Variants in CYLC1 observed in about 807,000 individuals in gnomAD.
The protein encoded by CYLC1 is cylicin 1.
A neutral mutation model predicts 31.6 loss-of-function variants in CYLC1; 2 were observed. The observed-to-expected ratio is 0.06, with a 90% CI of 0.03 to 0.20. The LOEUF is 0.20. Among genes scored for constraint, CYLC1 ranks in the 10% least tolerant of loss-of-function variants. The pLI is 1.00. For synonymous variants in CYLC1, 185 were observed against 153.0 expected, an observed-to-expected ratio of 1.21 and a Z score of -1.54; for missense variants, 595 against 424.1, an observed-to-expected ratio of 1.40 and a Z score of -3.54.
chrX:83,874,881 G>A (rs984083786), intron 4 of CYLC1, among the ~76,000 whole-genome samples: 2 of 110,118 alleles, frequency 1.8e-5, no homozygotes, highest in Admixed American at 9.7e-5. Context: ...TTAAGAAAAC[G>A]TGAAGTTATG....
chrX:83,872,273 T>A lies in CYLC1; in HGVS notation c.178-613T>A, dbSNP rs1222683587. On this transcript the variant is annotated intron_variant, in intron 3 of 4. Coordinates refer to ENST00000329312, the MANE Select transcript of CYLC1 (RefSeq NM_021118.3). Reference sequence around the variant, plus strand: ...GATTTGGCAAATATTTGGGTGAGATTTGAAAATAAATTACACCACTGCTGC... The same window carrying A: ...GATTTGGCAAATATTTGGGTGAGATATGAAAATAAATTACACCACTGCTGC... 2.7e-5 allele frequency among the ~76,000 whole-genome samples: 3 copies of A among 111,312 alleles called. 1 individual carries two copies. Among genetic ancestry groups the A allele is most frequent in the Middle Eastern group, 9.2e-3 (2 of 218 alleles).
At chrX:83,871,211 G>T (rs750792979) in intron 2 of CYLC1, among the ~76,000 whole-genome samples, 96 of 110,621 alleles carry the variant, frequency 8.7e-4, no homozygotes, top group Non-Finnish European at 1.7e-3. Flanking sequence ...GTGAAAATTA[G>T]TTTAATGTAG....
At chrX:83,878,774 A>G (rs2031867369) in intron 4 of CYLC1, among the ~76,000 whole-genome samples, 1 of 106,029 alleles carries the variant, frequency 9.4e-6, no homozygotes, top group Admixed American at 1.1e-4. Context: ...GGAAGAGAAT[A>G]CCTATGTATC....
At chrX:83,864,646 A>G (rs1239312990) in intron 1 of CYLC1, 4 of 302,022 alleles carry the variant, frequency 1.3e-5, no homozygotes, top group Non-Finnish European at 2.5e-5. Context: ...TCATTCTCCT[A>G]TACTAGATTC....
intron 4 of CYLC1, among the ~76,000 whole-genome samples, chrX:83,879,494 G>A (rs1034788699): frequency 8.9e-6 from 1 of 111,851 alleles, no homozygotes; most frequent in Non-Finnish European, 1.9e-5. Flanking sequence ...TACATCTATT[G>A]TTATTGTTCT....
chrX:83,866,281 AT>A (rs1479544958), intron 1 of CYLC1, among the ~76,000 whole-genome samples: 1 of 111,872 alleles, frequency 8.9e-6, no homozygotes, highest in Non-Finnish European at 1.9e-5. Flanking sequence ...AAATGGAATC[AT>A]TGGCCTCAAG....
At chrX:83,871,630 T>G (rs1602302816) in intron 3 of CYLC1, 60 bp downstream of exon 3, 1 of 1,048,539 alleles carries the variant, frequency 9.5e-7, no homozygotes, top group Non-Finnish European at 1.3e-6. Context: ...CATATATAAA[T>G]ATAAGTAAGG....
intron 3 of CYLC1, 25 bp from the exon 4 acceptor site, chrX:83,872,861 T>G (rs2031690483): frequency 1.9e-6 from 2 of 1,035,246 alleles, no homozygotes; most frequent in African/African-American, 3.9e-5. Flanking sequence ...TCACAAATGC[T>G]TATTATTCTA....
rs1299521344 is a variant in CYLC1 at position 83,876,836 on chromosome X, C to A, written c.1923+2205C>A. 2.7e-5 allele frequency among the ~76,000 whole-genome samples: 3 copies of A among 110,566 alleles called. No homozygotes were observed. The Admixed American group carries it at 2.9e-4, about 11-fold the overall frequency. On this transcript the variant is annotated intron_variant, in intron 4 of 4. Transcript: ENST00000329312. ...CCTCATTATTAAAAATTGGAATGAT[C>A]CTGTCTTTGTCCTGGACACTCTTTA...
At chrX:83,883,443 T>A (rs757983482) in intron 4 of CYLC1, among the ~76,000 whole-genome samples, 2 of 111,983 alleles carry the variant, frequency 1.8e-5, no homozygotes, top group Non-Finnish European at 3.8e-5. Context: ...TGTCAGGCAC[T>A]GTTCAAATCA....
chrX:83,877,962 A>C (rs1259919909), intron 4 of CYLC1, among the ~76,000 whole-genome samples: 1 of 77,143 alleles, frequency 1.3e-5, no homozygotes, highest in African/African-American at 4.9e-5. Flanking sequence ...AAATATAAAT[A>C]TATATATTTG....
At chrX:83,869,824 C>T (rs746398132) in intron 1 of CYLC1, 41 bp from the exon 2 acceptor site, 8 of 662,512 alleles carry the variant, frequency 1.2e-5, no homozygotes, top group African/African-American at 1.2e-4. Flanking sequence ...ATTTATTGCC[C>T]ATAATACAAA....
In CYLC1 at chrX:83,886,601, T is replaced by G; in HGVS notation, c.*17T>G. 1 of 1,195,889 alleles carries G rather than the reference T, an allele frequency of 8.4e-7. No individual in the cohort carries two copies. ...CTGCTTTAAAGAACAACTGAGCACT[T>G]GGTTTCACAGAATGGCCTTACCACA... On this transcript the variant is annotated 3_prime_UTR_variant, in exon 5 of 5. Transcript: ENST00000329312.
intron 1 of CYLC1, among the ~76,000 whole-genome samples, chrX:83,863,742 A>G (rs1386141790): frequency 8.9e-6 from 1 of 111,780 alleles, no homozygotes; most frequent in African/African-American, 3.3e-5. Context: ...CCAACACCAC[A>G]CCTTCAGTCC....
intron 4 of CYLC1, among the ~76,000 whole-genome samples, chrX:83,877,903 T>C (rs1261005178): frequency 2.4e-4 from 5 of 20,926 alleles, no homozygotes; most frequent in African/African-American, 5.2e-4. Context: ...TATACAAATA[T>C]ATATAAATAT....
intron 4 of CYLC1, among the ~76,000 whole-genome samples, chrX:83,878,382 AATATATATAAAT>A (rs2031847414): frequency 7.1e-4 from 4 of 5,671 alleles, no homozygotes; most frequent in Non-Finnish European, 1.3e-3. Context: ...TATATATATA[AATATATATAAAT>A]ATATATAAAT....
In CYLC1 at chrX:83,869,795, T is replaced by TA. The variant is rs752336775; in HGVS notation, c.18-63dup. On this transcript the variant is annotated intron_variant, in intron 1 of 4. Transcript: ENST00000329312. Reference sequence around the variant, plus strand: ...TTTTAGAAATAAAGGATAGATTACATAAAAAAATAGTTATTTTTATTTATT... The same window carrying TA: ...TTTTAGAAATAAAGGATAGATTACATAAAAAAAATAGTTATTTTTATTTATT... 5.3e-5 allele frequency: 30 copies of TA among 565,930 alleles called. No homozygotes were observed. The East Asian group carries it at 9.4e-4, about 18-fold the overall frequency. 46.6% of individuals were successfully genotyped at this position (565,930 alleles called of 1,213,427 possible).
chrX:83,864,902 C>T (rs1321766091), intron 1 of CYLC1, among the ~76,000 whole-genome samples: 1 of 110,578 alleles, frequency 9.0e-6, no homozygotes, highest in African/African-American at 3.3e-5. Flanking sequence ...TTTCTCTTTA[C>T]CTCTTCAGTC....
In CYLC1 at chrX:83,873,303, G is replaced by T; in HGVS notation, c.595G>T (p.Asp199Tyr). ...AGTCTCAAAAAATTGTTCACAAAAAGATAAGAAAGATTCAAAGAATTCCAA... is the reference window on the plus strand; with the variant it reads ...AGTCTCAAAAAATTGTTCACAAAAATATAAGAAAGATTCAAAGAATTCCAA... ...KTVSKNCSQK[D>Y]KKDSKNSKKT... is the part of the protein sequence containing the mutation. The change falls in exon 4 of 5, where the codon GAT (aspartate) becomes TAT (tyrosine). Residue 199 changes from aspartate to tyrosine, a missense_variant. Transcript: ENST00000329312. 8.3e-7 allele frequency: 1 copy of T among 1,202,537 alleles called. No homozygotes were observed. Among genetic ancestry groups the T allele is most frequent in the Non-Finnish European group, 1.1e-6 (1 of 891,439 alleles).
Sources: gnomAD v4.1 joint callset for allele counts (sites outside exome capture counted in the v4.1 genomes callset) on GRCh38, gnomAD v4.1.1 for gene constraint, MANE v1.5 for transcripts, NCBI Gene and HGNC (gene_info 2026-07-23, HGNC 2026-07-21) for gene names.